The following DIAPH3 variants were observed in gnomAD, a reference collection of about 807,000 sequenced individuals.
DIAPH3 encodes diaphanous related formin 3.
DIAPH3 carries 117 observed loss-of-function variants against 144.3 expected under a neutral mutation model. The ratio of observed to expected loss-of-function variants is 0.81; its 90% CI spans 0.70 to 0.95. The LOEUF (loss-of-function observed/expected upper bound fraction) is 0.95, where lower values mean the gene tolerates loss of function less well. Among genes scored for constraint, DIAPH3 ranks in the 40% least tolerant of loss-of-function variants. The pLI is 0.00. For synonymous variants in DIAPH3, 519 were observed against 488.9 expected, an observed-to-expected ratio of 1.06 and a Z score of -0.81; for missense variants, 1,421 against 1,412.7, an observed-to-expected ratio of 1.01 and a Z score of -0.09.
At chr13:59,792,881 A>G (rs939887445) in intron 25 of DIAPH3, among the ~76,000 whole-genome samples, 1 of 152,166 alleles carries the variant, frequency 6.6e-6, no homozygotes, top group Non-Finnish European at 1.5e-5. Context: ...AGTGCCGGTA[A>G]GAAACAATAC....
chr13:59,755,974 A>C (rs994592344), intron 27 of DIAPH3, among the ~76,000 whole-genome samples: 4 of 152,394 alleles, frequency 2.6e-5, no homozygotes, highest in African/African-American at 9.6e-5. Flanking sequence ...ATATGATATT[A>C]ATCAATGATG....
At chr13:59,702,835 C>G (rs2034185354) in intron 27 of DIAPH3, among the ~76,000 whole-genome samples, 1 of 152,150 alleles carries the variant, frequency 6.6e-6, no homozygotes, top group Non-Finnish European at 1.5e-5. Context: ...TTGCTGCATA[C>G]AAGCACACTT....
At chr13:59,930,826 C>A (rs2047983889) in intron 17 of DIAPH3, among the ~76,000 whole-genome samples, 1 of 152,076 alleles carries the variant, frequency 6.6e-6, no homozygotes, top group South Asian at 2.1e-4. Context: ...TTACAGTAAT[C>A]CAAACGAAAG....
At chr13:59,982,052 T>G (rs2051051801) in intron 13 of DIAPH3, among the ~76,000 whole-genome samples, 1 of 151,478 alleles carries the variant, frequency 6.6e-6, no homozygotes, top group Non-Finnish European at 1.5e-5. Context: ...GCCTCATGCT[T>G]TCCAATACCT....
At chr13:60,063,149 C>T (rs1320750011) in intron 4 of DIAPH3, among the ~76,000 whole-genome samples, 2 of 152,224 alleles carry the variant, frequency 1.3e-5, no homozygotes, top group Non-Finnish European at 2.9e-5. Context: ...GATTCTGAAT[C>T]ATTTATTGTC....
rs561559138 is a variant in DIAPH3, at chr13:59,860,555, G to A, written c.2737+852C>T. Among the ~76,000 whole-genome samples, 106 of 152,158 alleles carry A rather than the reference G, an allele frequency of 7.0e-4. 1 individual carries two copies. The highest frequency in any genetic ancestry group is 6.8e-3 in the Middle Eastern group (2 of 294). On this transcript the variant is annotated intron_variant, in intron 22 of 27. Transcript: ENST00000400324. ...AGATCGAGACTATCCTGGCTAACATGGTGAAACCCCGTCTCTACTAAAAAT... is the reference window on the plus strand; with the variant it reads ...AGATCGAGACTATCCTGGCTAACATAGTGAAACCCCGTCTCTACTAAAAAT...
intron 3 of DIAPH3, among the ~76,000 whole-genome samples, chr13:60,104,901 C>T (rs1221437704): frequency 6.6e-6 from 1 of 151,958 alleles, no homozygotes. Context: ...CGAGACCATC[C>T]TGGCTAACAC....
intron 9 of DIAPH3, among the ~76,000 whole-genome samples, chr13:60,003,240 C>T (rs2052628872): frequency 1.3e-5 from 2 of 152,100 alleles, no homozygotes; most frequent in Middle Eastern, 3.2e-3. Context: ...TACAGACCAC[C>T]CACATGATTC....
chr13:59,870,592 C>T (rs1343184366), intron 21 of DIAPH3, among the ~76,000 whole-genome samples: 4 of 151,728 alleles, frequency 2.6e-5, no homozygotes, highest in Non-Finnish European at 5.9e-5. Flanking sequence ...AGTACTGAGA[C>T]ATGCTTTCTA....
chr13:60,150,737 A>C (rs1040545688), intron 1 of DIAPH3, among the ~76,000 whole-genome samples: 1 of 152,202 alleles, frequency 6.6e-6, no homozygotes, highest in Admixed American at 6.5e-5. Context: ...CAGCCACAGA[A>C]GCCTGCCAGG....
chr13:59,696,136 T>C (rs76963360), intron 27 of DIAPH3: 1 of 152,320 alleles, frequency 6.6e-6, no homozygotes, highest in African/African-American at 2.4e-5. Flanking sequence ...CTAGCTTCTA[T>C]TCAGATGACA....
At chr13:59,836,019 A>G (rs1170312050) in intron 23 of DIAPH3, among the ~76,000 whole-genome samples, 2 of 151,878 alleles carry the variant, frequency 1.3e-5, no homozygotes, top group African/African-American at 4.8e-5. Flanking sequence ...AACAAATTTA[A>G]AGAATATAAC....
intron 4 of DIAPH3, among the ~76,000 whole-genome samples, chr13:60,053,290 T>C (rs574880003): frequency 6.6e-6 from 1 of 152,122 alleles, no homozygotes; most frequent in East Asian, 1.9e-4. Context: ...AAGATGAAAA[T>C]ACTTAGAAAG....
At chr13:59,824,201 T>C (rs1259199582) in intron 24 of DIAPH3, among the ~76,000 whole-genome samples, 5 of 152,182 alleles carry the variant, frequency 3.3e-5, no homozygotes, top group Non-Finnish European at 5.9e-5. Context: ...CCTATTATAA[T>C]GAGATTGAAA....
At chr13:59,801,858 T>A (rs1489401933) in intron 25 of DIAPH3, among the ~76,000 whole-genome samples, 1 of 152,240 alleles carries the variant, frequency 6.6e-6, no homozygotes, top group Non-Finnish European at 1.5e-5. Flanking sequence ...TTTATACCAT[T>A]TACATGTAAC....
At chr13:59,971,927 CT>C (rs1466757508) in intron 15 of DIAPH3, among the ~76,000 whole-genome samples, 1 of 152,166 alleles carries the variant, frequency 6.6e-6, no homozygotes, top group Non-Finnish European at 1.5e-5. Context: ...TTGGGAAAGC[CT>C]TATCTGACCA....
intron 22 of DIAPH3, 55 bp from the exon 23 acceptor site, chr13:59,839,503 G>A (rs1384093586): frequency 6.5e-7 from 1 of 1,541,234 alleles, no homozygotes; most frequent in Non-Finnish European, 8.8e-7. Flanking sequence ...TATATAAAAG[G>A]TAAGACACCC....
intron 24 of DIAPH3, among the ~76,000 whole-genome samples, chr13:59,811,928 AGG>A (rs1487621555): frequency 6.6e-6 from 1 of 152,082 alleles, no homozygotes; most frequent in Non-Finnish European, 1.5e-5. Flanking sequence ...GGGAATTAGC[AGG>A]TAAACATGGG....
chr13:59,887,380 C>T (rs1235641285), intron 20 of DIAPH3, among the ~76,000 whole-genome samples: 1 of 151,970 alleles, frequency 6.6e-6, no homozygotes, highest in Non-Finnish European at 1.5e-5. Flanking sequence ...AGTAGATTCC[C>T]TTCTTTGATT....
Sources: allele counts gnomAD v4.1 joint callset (sites outside exome capture counted in the v4.1 genomes callset), GRCh38; gene constraint gnomAD v4.1.1; transcripts MANE v1.5; gene names NCBI Gene and HGNC (gene_info 2026-07-23, HGNC 2026-07-21).